NRG1: variants seen among roughly 807,000 people sequenced by gnomAD.
NRG1 encodes pro-neuregulin-1, membrane-bound isoform.
A neutral mutation model predicts 63.8 loss-of-function variants in NRG1; 18 were observed. That is an observed-to-expected ratio of 0.28 (90% CI 0.19 to 0.42). The LOEUF is 0.42. NRG1 is among the 10% of genes least tolerant of loss of function. NRG1 has a pLI of 1.00. For synonymous variants in NRG1, 302 were observed against 301.3 expected, an observed-to-expected ratio of 1.00 and a Z score of -0.02; for missense variants, 762 against 814.7, an observed-to-expected ratio of 0.94 and a Z score of 0.79.
At chr8:32,573,247 A>G (rs982282723) in intron 1 of NRG1, among the ~76,000 whole-genome samples, 6 of 152,262 alleles carry the variant, frequency 3.9e-5, no homozygotes, top group Non-Finnish European at 7.3e-5. Flanking sequence ...CAGATGTTCC[A>G]TGATGACTTA....
chr8:31,744,549 G>C (rs1006280767), intron 1 of NRG1, among the ~76,000 whole-genome samples: 3 of 151,990 alleles, frequency 2.0e-5, no homozygotes, highest in South Asian at 2.1e-4. Context: ...CTCAGTTTCC[G>C]GTGGATTTAT....
At chr8:32,361,798 C>A (rs953721355) in intron 1 of NRG1, among the ~76,000 whole-genome samples, 2 of 152,200 alleles carry the variant, frequency 1.3e-5, no homozygotes. Flanking sequence ...GCCACCCAGG[C>A]GCATGTGGCC....
chr8:32,302,688 G>T (rs1855714362), intron 1 of NRG1, among the ~76,000 whole-genome samples: 1 of 147,172 alleles, frequency 6.8e-6, no homozygotes, highest in Non-Finnish European at 1.5e-5. Flanking sequence ...CCTGTGGCAT[G>T]CAGAGAGTAG....
intron 1 of NRG1, among the ~76,000 whole-genome samples, chr8:32,123,329 A>C (rs1319700443): frequency 6.6e-6 from 1 of 151,848 alleles, no homozygotes; most frequent in Non-Finnish European, 1.5e-5. Flanking sequence ...TCATGATAGT[A>C]AGTCTCATGA....
intron 1 of NRG1, among the ~76,000 whole-genome samples, chr8:32,216,036 G>C (rs1845190022): frequency 6.7e-6 from 1 of 148,872 alleles, no homozygotes; most frequent in South Asian, 2.1e-4. Context: ...GCAAGACTCT[G>C]TCTCAAAAAA....
intron 1 of NRG1, among the ~76,000 whole-genome samples, chr8:31,765,315 C>T (rs1009036380): frequency 1.3e-5 from 2 of 151,994 alleles, no homozygotes; most frequent in East Asian, 3.9e-4. Flanking sequence ...GTCAGTCTAC[C>T]ATTTATTTCG....
chr8:32,513,173 GT>G (rs1273324437), intron 1 of NRG1, among the ~76,000 whole-genome samples: 3 of 105,108 alleles, frequency 2.9e-5, no homozygotes, highest in Admixed American at 1.4e-4. Context: ...TGAAGCTGGT[GT>G]GTGTGTGTGT....
chr8:32,619,153 G>A (rs1476012816), intron 5 of NRG1, among the ~76,000 whole-genome samples: 1 of 152,134 alleles, frequency 6.6e-6, no homozygotes, highest in African/African-American at 2.4e-5. Flanking sequence ...GGTTGAGGCT[G>A]CAGTGAGCTG....
At chr8:32,268,366 C>T (rs1235559321) in intron 1 of NRG1, among the ~76,000 whole-genome samples, 1 of 152,142 alleles carries the variant, frequency 6.6e-6, no homozygotes, top group African/African-American at 2.4e-5. Context: ...AAAAAATGAA[C>T]ATACTTACTA....
chr8:32,290,910 T>TGC (rs1384944107), intron 1 of NRG1, among the ~76,000 whole-genome samples: 1 of 150,392 alleles, frequency 6.6e-6, no homozygotes, highest in Admixed American at 6.6e-5. Context: ...ACACAGGATG[T>TGC]GTGTGTGTGT....
chr8:31,793,720 G>A (rs1273902580), intron 1 of NRG1, among the ~76,000 whole-genome samples: 1 of 152,122 alleles, frequency 6.6e-6, no homozygotes, highest in Non-Finnish European at 1.5e-5. Context: ...CCTCTTTTCT[G>A]TGTAATATAA....
At chr8:32,082,196 C>T (rs904200388) in intron 1 of NRG1, among the ~76,000 whole-genome samples, 1 of 78,676 alleles carries the variant, frequency 1.3e-5, no homozygotes, top group Admixed American at 1.8e-4. Flanking sequence ...TGTTTTCAAC[C>T]TAGTGGTTTT....
At chr8:31,808,180 T>C (rs927715568) in intron 1 of NRG1, among the ~76,000 whole-genome samples, 2 of 152,172 alleles carry the variant, frequency 1.3e-5, no homozygotes, top group African/African-American at 4.8e-5. Context: ...AAAAGTTATG[T>C]TTCATTATTA....
intron 1 of NRG1, among the ~76,000 whole-genome samples, chr8:32,585,474 A>C (rs1336312606): frequency 6.6e-6 from 1 of 152,194 alleles, no homozygotes; most frequent in Non-Finnish European, 1.5e-5. Flanking sequence ...TTGCTCCAGC[A>C]TTCATTGTCA....
At chr8:32,434,173 A>C (rs1818502553) in intron 1 of NRG1, among the ~76,000 whole-genome samples, 1 of 144,396 alleles carries the variant, frequency 6.9e-6, no homozygotes, top group Non-Finnish European at 1.5e-5. Context: ...CGACAGAATG[A>C]GACTCCATCT....
chr8:32,328,654 A>G (rs1372370740), intron 1 of NRG1, among the ~76,000 whole-genome samples: 1 of 152,152 alleles, frequency 6.6e-6, no homozygotes, highest in Non-Finnish European at 1.5e-5. Flanking sequence ...GGTGCTTTTT[A>G]GCAGAAAATG....
intron 1 of NRG1, among the ~76,000 whole-genome samples, chr8:31,953,547 T>C (rs1563611144): frequency 6.6e-6 from 1 of 152,118 alleles, no homozygotes; most frequent in Non-Finnish European, 1.5e-5. Flanking sequence ...AAGTACACAA[T>C]CTCTCTTCTC....
chr8:31,883,168 T>C (rs1037166587), intron 1 of NRG1, among the ~76,000 whole-genome samples: 2 of 152,064 alleles, frequency 1.3e-5, no homozygotes. Flanking sequence ...GCAACCACCA[T>C]CCTGATCAGT....
chr8:32,460,801 C>CTT (rs886211269), intron 1 of NRG1, among the ~76,000 whole-genome samples: 9 of 151,204 alleles, frequency 6.0e-5, no homozygotes, highest in African/African-American at 2.2e-4. Flanking sequence ...TATTTTACTG[C>CTT]TTTTTTTTTG....
Sources: gnomAD v4.1 joint callset for allele counts (sites outside exome capture counted in the v4.1 genomes callset) on GRCh38, gnomAD v4.1.1 for gene constraint, MANE v1.5 for transcripts, NCBI Gene and HGNC (gene_info 2026-07-23, HGNC 2026-07-21) for gene names.